The following ERBB4 variants were observed in gnomAD, a reference collection of about 807,000 sequenced individuals.
The protein encoded by ERBB4 is erb-b2 receptor tyrosine kinase 4, also known as receptor tyrosine-protein kinase erbB-4.
A neutral mutation model predicts 158.0 loss-of-function variants in ERBB4; 42 were observed. The ratio of observed to expected loss-of-function variants is 0.27; its 90% CI spans 0.21 to 0.34. ERBB4 has a LOEUF of 0.34. Ranked by LOEUF, ERBB4 falls within the 10% of genes least tolerant of loss-of-function variation. ERBB4 has a pLI of 1.00. For missense variants in ERBB4, 1,333 were observed against 1,624.1 expected, an observed-to-expected ratio of 0.82 and a Z score of 3.08; for synonymous variants, 583 against 558.7, an observed-to-expected ratio of 1.04 and a Z score of -0.61.
chr2:212,417,486 T>C (rs565100045), intron 1 of ERBB4, among the ~76,000 whole-genome samples: 27 of 152,204 alleles, frequency 1.8e-4, no homozygotes, highest in African/African-American at 6.3e-4. Flanking sequence ...TTTCAGTCTT[T>C]GGACTTTCAG....
At position 211,382,764 on chromosome 2, in the gene ERBB4, T is replaced by C. The variant is rs2062594718; in HGVS notation, c.*851A>G. 4.7e-5 allele frequency: 11 copies of C among 232,638 alleles called. No homozygotes were observed. In the East Asian group the frequency reaches 6.7e-4, roughly 14 times the overall value. The allele number at this position is 232,638 out of a possible 1,614,324, so 14.4% of individuals were successfully genotyped here. A position where few individuals can be genotyped will look rare whatever the true frequency, so the allele number is the denominator to read the frequency against. On this transcript the variant is annotated 3_prime_UTR_variant, in exon 28 of 28. Coordinates refer to ENST00000342788, the MANE Select transcript of ERBB4 (RefSeq NM_005235.3). Reference sequence around the variant, plus strand: ...AAAATGTAAAGGATGAGGGTGAAGATAATTTGATAGCATGAAAAATATTAG... The same window carrying C: ...AAAATGTAAAGGATGAGGGTGAAGACAATTTGATAGCATGAAAAATATTAG...
At chr2:211,830,286 T>A (rs2077192013) in intron 3 of ERBB4, among the ~76,000 whole-genome samples, 1 of 152,130 alleles carries the variant, frequency 6.6e-6, no homozygotes, top group Non-Finnish European at 1.5e-5. Flanking sequence ...GAGGGCATCA[T>A]CAGTATCTGC....
intron 13 of ERBB4, among the ~76,000 whole-genome samples, chr2:211,676,683 A>G (rs969590880): frequency 1.3e-5 from 2 of 152,196 alleles, no homozygotes; most frequent in African/African-American, 2.4e-5. Flanking sequence ...AGTTCCCTAT[A>G]TTTATAAGAT....
chr2:211,413,111 C>T (rs2063299331), intron 25 of ERBB4, among the ~76,000 whole-genome samples: 1 of 151,732 alleles, frequency 6.6e-6, no homozygotes, highest in Non-Finnish European at 1.5e-5. Flanking sequence ...TCTTGGACAA[C>T]ACAGTGAGAC....
At chr2:211,433,349 A>C (rs2063783755) in intron 20 of ERBB4, among the ~76,000 whole-genome samples, 1 of 152,068 alleles carries the variant, frequency 6.6e-6, no homozygotes, top group South Asian at 2.1e-4. Context: ...TGGGAGGCCG[A>C]GGTGGGTGGA....
At chr2:211,656,195 G>T (rs1160462601) in intron 16 of ERBB4, among the ~76,000 whole-genome samples, 3 of 152,212 alleles carry the variant, frequency 2.0e-5, no homozygotes, top group African/African-American at 7.2e-5. Flanking sequence ...CCAGGGCTCT[G>T]TTGCCATCTT....
chr2:211,967,789 T>G (rs188222046), intron 2 of ERBB4, among the ~76,000 whole-genome samples: 1 of 151,996 alleles, frequency 6.6e-6, no homozygotes, highest in Non-Finnish European at 1.5e-5. Context: ...TAACATATAA[T>G]CTTATTAATT....
intron 1 of ERBB4, among the ~76,000 whole-genome samples, chr2:212,499,452 T>A (rs1384877304): frequency 6.6e-6 from 1 of 152,108 alleles, no homozygotes; most frequent in African/African-American, 2.4e-5. Context: ...TTTTTTAATG[T>A]AGAGGAATCA....
At chr2:212,182,318 C>A (rs1269790783) in intron 1 of ERBB4, among the ~76,000 whole-genome samples, 1 of 151,878 alleles carries the variant, frequency 6.6e-6, no homozygotes, top group African/African-American at 2.4e-5. Context: ...TGGTATCCCA[C>A]AAGAACCTGC....
intron 3 of ERBB4, among the ~76,000 whole-genome samples, chr2:211,857,103 C>T (rs1360908368): frequency 6.6e-6 from 1 of 151,758 alleles, no homozygotes; most frequent in Non-Finnish European, 1.5e-5. Context: ...CTAGGAAGTC[C>T]TACATTTTAT....
At chr2:212,465,957 C>T (rs17325612) in intron 1 of ERBB4, among the ~76,000 whole-genome samples, 22,166 of 152,120 alleles carry the variant, frequency 0.15, 2,152 homozygotes, top group Non-Finnish European at 0.22. Context: ...ATAAGTTAAG[C>T]TCTGTGTTCT....
intron 2 of ERBB4, among the ~76,000 whole-genome samples, chr2:212,003,224 G>GACA (rs1559294404): frequency 5.9e-5 from 3 of 50,704 alleles, no homozygotes; most frequent in Admixed American, 1.9e-4. Flanking sequence ...AAGGAAGGAA[G>GACA]GAAGGAAGGA....
chr2:212,084,356 T>A lies in ERBB4; in HGVS notation c.234+40396A>T, dbSNP rs151021303. Among the ~76,000 whole-genome samples the A allele has an allele frequency of 1.7e-3, 256 of 152,080 alleles. 3 individuals carry two copies. The highest frequency in any genetic ancestry group is 5.8e-3 in the African/African-American group (240 of 41,538). Reference sequence around the variant, plus strand: ...GTGCATCAGACAGCCATGAGCAAGCTATAACGCGCAACACCTAGTTATACG... The same window carrying A: ...GTGCATCAGACAGCCATGAGCAAGCAATAACGCGCAACACCTAGTTATACG... On this transcript the variant is annotated intron_variant, in intron 2 of 27. Coordinates refer to ENST00000342788, the MANE Select transcript of ERBB4 (RefSeq NM_005235.3).
chr2:211,377,471 G>A lies in ERBB4; in HGVS notation c.*6144C>T, dbSNP rs1022166411. 1 of 232,986 alleles carries A rather than the reference G, an allele frequency of 4.3e-6. No homozygotes were observed. The highest frequency in any genetic ancestry group is 8.5e-6 in the Non-Finnish European group (1 of 117,668). The allele number at this position is 232,986 out of a possible 1,614,324, so 14.4% of individuals were successfully genotyped here. On this transcript the variant is annotated 3_prime_UTR_variant, in exon 28 of 28. Coordinates refer to ENST00000342788, the MANE Select transcript of ERBB4 (RefSeq NM_005235.3). ...ATGAAAAGAAAAACGTCCATAAAGA[G>A]CAAAAGTAGGTAAAGGATGGCATTC...
At chr2:211,725,047 A>G in intron 6 of ERBB4, 29 bp downstream of exon 6, 1 of 1,411,614 alleles carries the variant, frequency 7.1e-7, no homozygotes, top group Non-Finnish European at 1.0e-6. Flanking sequence ...GGAGAGCAGG[A>G]TAATAAAAGA....
At chr2:212,329,535 G>T (rs2088029247) in intron 1 of ERBB4, among the ~76,000 whole-genome samples, 1 of 152,054 alleles carries the variant, frequency 6.6e-6, no homozygotes, top group South Asian at 2.1e-4. Context: ...TTTTACTCAT[G>T]TAACCCAGGA....
rs76680012 is a variant in ERBB4, at chr2:211,539,262, T to C, written c.2487+22641A>G. On this transcript the variant is annotated intron_variant, in intron 20 of 27. Coordinates refer to ENST00000342788, the MANE Select transcript of ERBB4 (RefSeq NM_005235.3). ...TATTGGTATATTAATCAAAGCTATT[T>C]GGTAGTATTATTAGTACCAAGACAG... is the stretch of plus-strand genomic sequence containing the variant. Among the ~76,000 whole-genome samples, 41 of 152,072 alleles carry C rather than the reference T, an allele frequency of 2.7e-4. 1 individual carries two copies. The East Asian group carries it at 7.7e-3, about 29-fold the overall frequency.
At chr2:211,591,223 G>C (rs1194028104) in intron 19 of ERBB4, among the ~76,000 whole-genome samples, 2 of 152,164 alleles carry the variant, frequency 1.3e-5, no homozygotes, top group African/African-American at 4.8e-5. Context: ...GAATTATGTG[G>C]AAAGTCGCTA....
intron 13 of ERBB4, among the ~76,000 whole-genome samples, chr2:211,677,236 A>C (rs2072111481): frequency 6.6e-6 from 1 of 152,180 alleles, no homozygotes; most frequent in Admixed American, 6.5e-5. Flanking sequence ...TGAGGAAATG[A>C]AAGAACTTCA....
Sources: gnomAD v4.1 joint callset for allele counts (sites outside exome capture counted in the v4.1 genomes callset) on GRCh38, gnomAD v4.1.1 for gene constraint, MANE v1.5 for transcripts, NCBI Gene and HGNC (gene_info 2026-07-23, HGNC 2026-07-21) for gene names.